ANO2: variants seen among roughly 807,000 people sequenced by gnomAD.
The protein encoded by ANO2 is anoctamin 2.
Under a neutral mutation model 124.2 loss-of-function variants are expected in ANO2, and 101 were observed. The ratio of observed to expected loss-of-function variants is 0.81; its 90% CI spans 0.69 to 0.96. The LOEUF is 0.96. Ranked by LOEUF, ANO2 falls within the 40% of genes least tolerant of loss-of-function variation. The probability of loss-of-function intolerance (pLI) is 0.00; values close to 1 mark genes in which losing one functional copy is unlikely to be tolerated. For synonymous variants in ANO2, 486 were observed against 482.5 expected, an observed-to-expected ratio of 1.01 and a Z score of -0.09; for missense variants, 1,293 against 1,274.5, an observed-to-expected ratio of 1.01 and a Z score of -0.22.
At chr12:5,889,700 T>C (rs1939251143) in intron 3 of ANO2, among the ~76,000 whole-genome samples, 1 of 152,236 alleles carries the variant, frequency 6.6e-6, no homozygotes, top group African/African-American at 2.4e-5. Flanking sequence ...AGACAGGCCA[T>C]TAACCCAGGA....
chr12:5,851,853 C>T (rs1017407896), intron 4 of ANO2: 18 of 695,972 alleles, frequency 2.6e-5, no homozygotes, highest in South Asian at 1.1e-4. Flanking sequence ...AATAAGCAAG[C>T]GGAGGTTGAA....
At chr12:5,702,190 A>C (rs1015313577) in intron 14 of ANO2, among the ~76,000 whole-genome samples, 3 of 152,366 alleles carry the variant, frequency 2.0e-5, no homozygotes, top group Non-Finnish European at 4.4e-5. Flanking sequence ...TTGATAATGT[A>C]AGAAGACAAA....
chr12:5,694,284 A>AGAGAGAGAGAGAG (rs55758114), intron 14 of ANO2, among the ~76,000 whole-genome samples: 4 of 150,818 alleles, frequency 2.7e-5, no homozygotes, highest in Non-Finnish European at 4.4e-5. Context: ...AGAGAGAGAG[A>AGAGAGAGAGAGAG]ATAAAACAGA....
chr12:5,595,414 G>T (rs1184912599), intron 20 of ANO2, among the ~76,000 whole-genome samples: 2 of 151,676 alleles, frequency 1.3e-5, no homozygotes, highest in African/African-American at 4.8e-5. Context: ...GTAGAGACAG[G>T]GTCTCATTAT....
chr12:5,590,604 T>C (rs1943347678), intron 20 of ANO2, among the ~76,000 whole-genome samples: 1 of 152,238 alleles, frequency 6.6e-6, no homozygotes, highest in Non-Finnish European at 1.5e-5. Context: ...AAGAGCCTCC[T>C]GCATCCAGTT....
At chr12:5,690,419 GA>G (rs1948880233) in intron 14 of ANO2, among the ~76,000 whole-genome samples, 1 of 152,212 alleles carries the variant, frequency 6.6e-6, no homozygotes, top group Non-Finnish European at 1.5e-5. Context: ...TCTTCAGGAG[GA>G]AATGAGGCAA....
chr12:5,843,277 C>T (rs765120906), intron 4 of ANO2, among the ~76,000 whole-genome samples: 42 of 152,164 alleles, frequency 2.8e-4, no homozygotes, highest in African/African-American at 5.1e-4. Context: ...AGGCCAGGCG[C>T]GGTGGCTCAC....
intron 3 of ANO2, among the ~76,000 whole-genome samples, chr12:5,909,746 C>T (rs555107884): frequency 6.6e-5 from 10 of 152,190 alleles, no homozygotes; most frequent in African/African-American, 2.4e-4. Context: ...CTGGGCAGTG[C>T]GTGCCCAGAG....
chr12:5,837,598 T>A (rs1209604800), intron 4 of ANO2, among the ~76,000 whole-genome samples: 1 of 151,486 alleles, frequency 6.6e-6, no homozygotes, highest in African/African-American at 2.4e-5. Flanking sequence ...GTTCTTGCGA[T>A]AGTTTACTGA....
intron 16 of ANO2, among the ~76,000 whole-genome samples, chr12:5,623,265 T>C (rs1015438251): frequency 1.3e-5 from 2 of 152,018 alleles, no homozygotes; most frequent in East Asian, 1.9e-4. Context: ...GGTGAGGAGA[T>C]AGGCAACCCT....
chr12:5,799,334 C>A (rs573955954), intron 10 of ANO2, among the ~76,000 whole-genome samples, 173 bp downstream of exon 10: 1 of 152,210 alleles, frequency 6.6e-6, no homozygotes, highest in African/African-American at 2.4e-5. Context: ...CCATGTCCCT[C>A]CCATGTCCCC....
intron 3 of ANO2, among the ~76,000 whole-genome samples, chr12:5,867,223 A>T (rs1049232685): frequency 6.6e-6 from 1 of 152,262 alleles, no homozygotes; most frequent in African/African-American, 2.4e-5. Context: ...AGCTTTCTTC[A>T]GCTAAAGAAC....
chr12:5,775,577 T>G (rs1952212518), intron 10 of ANO2, among the ~76,000 whole-genome samples: 1 of 151,106 alleles, frequency 6.6e-6, no homozygotes, highest in Admixed American at 6.6e-5. Flanking sequence ...TTCTCCTGCC[T>G]CAGCCTCCTG....
intron 11 of ANO2, among the ~76,000 whole-genome samples, chr12:5,747,722 A>C (rs1951310223): frequency 6.6e-6 from 1 of 152,180 alleles, no homozygotes; most frequent in African/African-American, 2.4e-5. Flanking sequence ...AGCAACACTT[A>C]CCCATCCTTC....
chr12:5,935,782 G>A lies in ANO2; in HGVS notation c.22+9414C>T, dbSNP rs575153763. 3.2e-4 allele frequency among the ~76,000 whole-genome samples: 48 copies of A among 152,286 alleles called. No individual in the cohort carries two copies. In the South Asian group the frequency reaches 9.1e-3, roughly 29 times the overall value. ...ATATTCATTAGAATCACCCAAGAAG[G>A]TTAAAATATTGATGTCTGGGTTTCA... is the stretch of plus-strand genomic sequence containing the variant. On this transcript the variant is annotated intron_variant, in intron 1 of 24. Coordinates refer to ENST00000682330, the MANE Select transcript of ANO2 (RefSeq NM_001364791.2).
intron 1 of ANO2, among the ~76,000 whole-genome samples, chr12:5,935,161 A>G (rs1942594254): frequency 6.6e-6 from 1 of 152,232 alleles, no homozygotes; most frequent in Non-Finnish European, 1.5e-5. Flanking sequence ...CATATTGTAT[A>G]GACAGTGAGC....
intron 3 of ANO2, among the ~76,000 whole-genome samples, chr12:5,868,294 C>G (rs1470530513): frequency 6.6e-6 from 1 of 152,102 alleles, no homozygotes; most frequent in Non-Finnish European, 1.5e-5. Context: ...CATGTGGTCT[C>G]TAGAAGCAGG....
At chr12:5,695,214 G>A (rs771878685) in intron 14 of ANO2, among the ~76,000 whole-genome samples, 37 of 152,038 alleles carry the variant, frequency 2.4e-4, no homozygotes, top group Admixed American at 4.6e-4. Flanking sequence ...ACTCAATACC[G>A]AATTGGCCTC....
At chr12:5,666,240 G>A (rs1444200040) in intron 14 of ANO2, among the ~76,000 whole-genome samples, 1 of 152,192 alleles carries the variant, frequency 6.6e-6, no homozygotes, top group South Asian at 2.1e-4. Flanking sequence ...AAGCTACCAG[G>A]ACAATGAATA....
Sources: allele counts gnomAD v4.1 joint callset (sites outside exome capture counted in the v4.1 genomes callset), GRCh38; gene constraint gnomAD v4.1.1; transcripts MANE v1.5; gene names NCBI Gene and HGNC (gene_info 2026-07-23, HGNC 2026-07-21).